PDE4B: variants seen among roughly 807,000 people sequenced by gnomAD.
PDE4B encodes 3',5'-cyclic-AMP phosphodiesterase 4B.
Under a neutral mutation model 82.2 loss-of-function variants are expected in PDE4B, and 20 were observed. The ratio of observed to expected loss-of-function variants is 0.24; its 90% CI spans 0.17 to 0.35. PDE4B has a LOEUF of 0.35. Among genes scored for constraint, PDE4B ranks in the 10% least tolerant of loss-of-function variants. The pLI, the probability that PDE4B is intolerant of heterozygous loss-of-function variation, is 1.00. For synonymous variants in PDE4B, 320 were observed against 318.9 expected, an observed-to-expected ratio of 1.00 and a Z score of -0.04; for missense variants, 655 against 907.2, an observed-to-expected ratio of 0.72 and a Z score of 3.57.
chr1:65,865,680 T>A (rs1482334696), intron 1 of PDE4B, among the ~76,000 whole-genome samples: 1 of 152,188 alleles, frequency 6.6e-6, no homozygotes, highest in East Asian at 1.9e-4. Context: ...CATGCCCCAC[T>A]CTGCTTCTGC....
At chr1:66,340,153 C>T (rs2101948083) in intron 8 of PDE4B, among the ~76,000 whole-genome samples, 1 of 152,294 alleles carries the variant, frequency 6.6e-6, no homozygotes, top group South Asian at 2.1e-4. Context: ...TAGCATTTTT[C>T]AGGGACCTAC....
At chr1:66,127,861 A>G (rs1268111610) in intron 3 of PDE4B, among the ~76,000 whole-genome samples, 1 of 152,162 alleles carries the variant, frequency 6.6e-6, no homozygotes, top group Non-Finnish European at 1.5e-5. Context: ...TACTCCAATT[A>G]TGTCTTTCTC....
intron 3 of PDE4B, among the ~76,000 whole-genome samples, chr1:66,052,425 G>A (rs1181533550): frequency 2.6e-5 from 4 of 152,048 alleles, no homozygotes; most frequent in Non-Finnish European, 5.9e-5. Context: ...CCTAGAGATC[G>A]CATCAAACCC....
chr1:65,978,447 T>C (rs1650524942), intron 3 of PDE4B, among the ~76,000 whole-genome samples: 1 of 152,184 alleles, frequency 6.6e-6, no homozygotes, highest in South Asian at 2.1e-4. Flanking sequence ...CCTGAAGGAA[T>C]TTCTCAAGGA....
chr1:65,996,877 C>A (rs767393058), intron 3 of PDE4B, among the ~76,000 whole-genome samples: 1 of 152,092 alleles, frequency 6.6e-6, no homozygotes, highest in Non-Finnish European at 1.5e-5. Flanking sequence ...AAAATTACTG[C>A]CAGAGTTCTC....
In PDE4B at chr1:66,156,191, A is replaced by G. The variant is rs1430062858; in HGVS notation, c.282-91269A>G. Among the ~76,000 whole-genome samples, 3 of 152,220 alleles carry G rather than the reference A, an allele frequency of 2.0e-5. No homozygotes were observed. The East Asian group carries it at 5.8e-4, about 29-fold the overall frequency. On this transcript the variant is annotated intron_variant, in intron 3 of 16. Transcript: ENST00000341517. ...GGTTTTATCTGGCTTCAGATTCATTAGGAATGAGTGAGTGAAAGGAACCTA... is the reference window on the plus strand; with the variant it reads ...GGTTTTATCTGGCTTCAGATTCATTGGGAATGAGTGAGTGAAAGGAACCTA...
chr1:65,874,655 A>G (rs1197737698), intron 1 of PDE4B, among the ~76,000 whole-genome samples: 2 of 151,946 alleles, frequency 1.3e-5, no homozygotes, highest in Non-Finnish European at 2.9e-5. Flanking sequence ...ACCTACAACT[A>G]TCTGATCTTT....
Position 66,354,528 on chromosome 1 carries a change from A to G in PDE4B, c.748-999A>G, listed in dbSNP as rs750523635. ...ACCCCTTCGGCCACCAGGGCTATTC[A>G]TAATTCATAAGTGCTTCAAACCAGC... On this transcript the variant is annotated intron_variant, in intron 8 of 16. Transcript: ENST00000341517. 5.9e-4 allele frequency: 665 copies of G among 1,123,296 alleles called. 2 individuals are homozygous for G. The highest frequency in any genetic ancestry group is 6.6e-4 in the Non-Finnish European group (606 of 916,588). 69.6% of individuals were successfully genotyped at this position (1,123,296 alleles called of 1,614,324 possible).
chr1:66,122,756 A>G (rs1367120805), intron 3 of PDE4B, among the ~76,000 whole-genome samples: 6 of 127,530 alleles, frequency 4.7e-5, no homozygotes, highest in African/African-American at 1.8e-4. Flanking sequence ...CCCAGGCTGG[A>G]GTACAGTGGT....
At chr1:65,891,844 T>C (rs1646856176) in intron 1 of PDE4B, among the ~76,000 whole-genome samples, 1 of 152,038 alleles carries the variant, frequency 6.6e-6, no homozygotes, top group African/African-American at 2.4e-5. Flanking sequence ...TACTTCTCAT[T>C]GTGAAAAATA....
chr1:66,339,018 CAAAAAA>C (rs60064823), intron 8 of PDE4B, among the ~76,000 whole-genome samples: 1 of 79,800 alleles, frequency 1.3e-5, no homozygotes, highest in African/African-American at 3.7e-5. Context: ...GACTCCGTCT[CAAAAAA>C]AAAAAAAAAA....
intron 3 of PDE4B, chr1:66,050,550 G>C (rs565729866): frequency 6.6e-6 from 1 of 151,918 alleles, no homozygotes; most frequent in Non-Finnish European, 1.5e-5. Context: ...TATGATATTC[G>C]CAATGCCGTA....
chr1:66,116,542 T>C (rs1301585081), intron 3 of PDE4B, among the ~76,000 whole-genome samples: 1 of 152,104 alleles, frequency 6.6e-6, no homozygotes, highest in Non-Finnish European at 1.5e-5. Context: ...GGTGTCAACA[T>C]CCGGAGGTCA....
intron 3 of PDE4B, among the ~76,000 whole-genome samples, chr1:66,194,456 G>A (rs1484385992): frequency 1.3e-5 from 2 of 152,022 alleles, no homozygotes; most frequent in Non-Finnish European, 2.9e-5. Context: ...CAGCAAGAAA[G>A]GTTACAAGGG....
At chr1:66,194,216 T>C (rs1648077632) in intron 3 of PDE4B, among the ~76,000 whole-genome samples, 1 of 152,144 alleles carries the variant, frequency 6.6e-6, no homozygotes, top group South Asian at 2.1e-4. Flanking sequence ...TTTCTTTGTG[T>C]CTAACCTTTT....
intron 3 of PDE4B, among the ~76,000 whole-genome samples, chr1:66,068,446 CAA>C (rs1183230226): frequency 6.6e-6 from 1 of 151,864 alleles, no homozygotes; most frequent in Admixed American, 6.6e-5. Flanking sequence ...TTTTAAAAAT[CAA>C]AATGCAGTGA....
chr1:66,066,445 A>T (rs972804194), intron 3 of PDE4B, among the ~76,000 whole-genome samples: 2 of 151,812 alleles, frequency 1.3e-5, no homozygotes, highest in African/African-American at 4.8e-5. Context: ...GTAGGAAATG[A>T]TTGGTAGTAT....
At chr1:65,866,003 C>A (rs1646506792) in intron 1 of PDE4B, among the ~76,000 whole-genome samples, 1 of 152,024 alleles carries the variant, frequency 6.6e-6, no homozygotes, top group Non-Finnish European at 1.5e-5. Flanking sequence ...GTAGGCTGTC[C>A]CAAGATTTGG....
intron 3 of PDE4B, among the ~76,000 whole-genome samples, chr1:66,186,366 G>A (rs1448138717): frequency 6.6e-6 from 1 of 152,120 alleles, no homozygotes; most frequent in Non-Finnish European, 1.5e-5. Flanking sequence ...TTCCAATTCA[G>A]TGAAGAAAGT....
Sources: allele counts gnomAD v4.1 joint callset (sites outside exome capture counted in the v4.1 genomes callset), GRCh38; gene constraint gnomAD v4.1.1; transcripts MANE v1.5; gene names NCBI Gene and HGNC (gene_info 2026-07-23, HGNC 2026-07-21).